Variants in ANKRD18A observed in about 807,000 individuals in gnomAD.
ANKRD18A encodes ankyrin repeat domain 18A.
Under a neutral mutation model 110.6 loss-of-function variants are expected in ANKRD18A, and 72 were observed. That is an observed-to-expected ratio of 0.65 (90% confidence interval 0.54 to 0.79). The LOEUF (loss-of-function observed/expected upper bound fraction) is 0.79, where lower values mean the gene tolerates loss of function less well. ANKRD18A is among the 30% of genes least tolerant of loss of function. ANKRD18A has a pLI of 0.00. For synonymous variants in ANKRD18A, 305 were observed against 410.3 expected (o/e 0.74, Z 3.10); for missense variants, 934 against 1,163.3 (o/e 0.80, Z 2.87).
rs955150830 is a variant in ANKRD18A, at chr9:38,577,994, T to A, written c.2402A>T (p.Glu801Val). Reference protein sequence around the residue: ...LEKDKKMLEEEVLNLKTHMEK... With the variant: ...LEKDKKMLEEVVLNLKTHMEK... ...CATATGTGTCTTAAGATTTAATACT[T>A]CTTCTTCCAACATCTTTTTATCCTT... Residue 801 changes from glutamate (E) to valine (V), a missense_variant, in exon 13 of 16, where the codon GAA (glutamate) becomes GTA (valine). Physicochemically the swap from Glu to Val is moderately radical, Grantham distance 121 (BLOSUM62 -2). Transcript: ENST00000399703. 1 of 1,564,594 alleles carries A rather than the reference T, an allele frequency of 6.4e-7. No individual in the cohort carries two copies. Among genetic ancestry groups the A allele is most frequent in the Non-Finnish European group, 8.7e-7 (1 of 1,151,952 alleles).
At chr9:38,567,149 A>C (rs550770500), downstream of ANKRD18A, 1 of 152,240 alleles carries the variant, frequency 6.6e-6, no homozygotes, top group South Asian at 2.1e-4. Flanking sequence ...TCATTCTTCC[A>C]AAAGTTACAA....
intron 15 of ANKRD18A, chr9:38,572,516 T>C (rs1823694843): frequency 6.5e-6 from 1 of 154,406 alleles, no homozygotes; most frequent in East Asian, 1.9e-4. Flanking sequence ...CATAGGTTGA[T>C]GACTGAAGGA....
At chr9:38,590,518 T>C (rs1166859738) in intron 10 of ANKRD18A, among the ~76,000 whole-genome samples, 3 of 152,174 alleles carry the variant, frequency 2.0e-5, no homozygotes, top group African/African-American at 7.2e-5. Context: ...TCCCAAAGTG[T>C]TGGGATTACA....
At chr9:38,608,738 T>A (rs1413038853) in intron 5 of ANKRD18A, among the ~76,000 whole-genome samples, 1 of 147,704 alleles carries the variant, frequency 6.8e-6, no homozygotes, top group South Asian at 2.1e-4. Flanking sequence ...ATAGATTATA[T>A]AATCTATATG....
intron 14 of ANKRD18A, among the ~76,000 whole-genome samples, chr9:38,576,359 G>T (rs1713910345): frequency 6.6e-6 from 1 of 152,146 alleles, no homozygotes; most frequent in East Asian, 1.9e-4. Context: ...ATCTCTGAAG[G>T]CAATTAGCCC....
downstream of ANKRD18A, chr9:38,568,866 A>T (rs1273457508): frequency 1.0e-6 from 1 of 985,226 alleles, no homozygotes; most frequent in African/African-American, 1.7e-5. Context: ...CCCTTTAGGT[A>T]TGGATCTCGC....
downstream of ANKRD18A, among the ~76,000 whole-genome samples, chr9:38,570,708 C>A (rs1270382951): frequency 6.6e-6 from 1 of 152,228 alleles, no homozygotes; most frequent in African/African-American, 2.4e-5. Flanking sequence ...CACAGAACCT[C>A]CCCTCCCTGC....
chr9:38,587,505 G>A (rs1399480452), intron 11 of ANKRD18A, among the ~76,000 whole-genome samples: 1 of 152,054 alleles, frequency 6.6e-6, no homozygotes, highest in African/African-American at 2.4e-5. Context: ...TATACTTCAT[G>A]TATACAATGG....
At chr9:38,582,962 A>C (rs992604491) in intron 12 of ANKRD18A, among the ~76,000 whole-genome samples, 6 of 152,250 alleles carry the variant, frequency 3.9e-5, no homozygotes, top group Non-Finnish European at 8.8e-5. Flanking sequence ...AACCCTTGCC[A>C]TTCATAAATA....
At position 38,603,191 on chromosome 9, in the gene ANKRD18A, G is replaced by T. The variant is rs632200; in HGVS notation, c.830C>A (p.Ala277Glu). ...ACGTTCTTTTCTTTTTTTCAAATTT[G>T]CAGGCTTCATAGCTGCTGTTTCTGT... ...DNQETAAMKP[A>E]NLKKRKERAK... Residue 277 changes from alanine to glutamate, a missense_variant, in exon 7 of 16, where the codon GCA becomes GAA. Ala to Glu is a moderately radical substitution (Grantham distance 107). Around this residue, in one of 4 missense-constraint regions of ANKRD18A, gnomAD observed 630 missense variants for 797.5 expected, o/e 0.79. Coordinates refer to ENST00000399703, the MANE Select transcript of ANKRD18A (RefSeq NM_147195.4). The T allele has an allele frequency of 5.6e-3, 8,737 of 1,550,338 alleles. 52 individuals are homozygous for T. The highest frequency in any genetic ancestry group is 0.022 in the African/African-American group (1,574 of 72,908).
intron 15 of ANKRD18A, chr9:38,572,984 T>C (rs7044423): frequency 0.062 from 40,124 of 652,358 alleles, 2,148 homozygotes; most frequent in African/African-American, 0.23. Flanking sequence ...ATACTGAATA[T>C]AGTATCTACT....
In ANKRD18A at chr9:38,588,551, C is replaced by A; in HGVS notation, c.2117G>T (p.Gly706Val). 1 of 1,314,352 alleles carries A rather than the reference C, an allele frequency of 7.6e-7. No homozygotes were observed. Among genetic ancestry groups the A allele is most frequent in the Non-Finnish European group, 9.8e-7 (1 of 1,015,892 alleles). 81.4% of individuals were successfully genotyped at this position (1,314,352 alleles called of 1,614,324 possible). A position where few individuals can be genotyped will look rare whatever the true frequency, so the allele number is the denominator to read the frequency against. Residue 706 changes from glycine (G) to valine (V), a missense_variant and splice_region_variant, in exon 11 of 16, where the codon GGA becomes GTA. Around this residue, in one of 4 missense-constraint regions of ANKRD18A, gnomAD observed 79 missense variants for 122.8 expected, o/e 0.64. Transcript: ENST00000399703. ...KNRELEEEATGYKKCLEMTIN... is the reference protein window; with the variant it reads ...KNRELEEEATVYKKCLEMTIN... ...ATGTTCTACAATATGAAAACCATACCCAGTTGCCTCTTCTTCTAATTCACG... is the reference window on the plus strand; with the variant it reads ...ATGTTCTACAATATGAAAACCATACACAGTTGCCTCTTCTTCTAATTCACG...
intron 1 of ANKRD18A, among the ~76,000 whole-genome samples, chr9:38,618,014 C>T (rs1286120284): frequency 6.6e-6 from 1 of 151,942 alleles, no homozygotes; most frequent in Non-Finnish European, 1.5e-5. Context: ...ATAAGAAAAA[C>T]ATATATACAT....
chr9:38,586,289 G>A lies in ANKRD18A; in HGVS notation c.2141C>T (p.Thr714Ile). The part of the protein sequence containing the change: ...ATGYKKCLEM[T>I]INMLNAFANE... Reference sequence around the variant, plus strand: ...TGCAAATGCATTTAACATATTTATTGTCATTTCTAGGCATTTCTTATATCT... The same window carrying A: ...TGCAAATGCATTTAACATATTTATTATCATTTCTAGGCATTTCTTATATCT... The change falls in exon 12 of 16, where the codon ACA becomes ATA. Residue 714 changes from threonine to isoleucine, a missense_variant. Thr to Ile is a moderately conservative substitution (Grantham distance 89). This residue lies in a region of ANKRD18A where 79 missense variants were observed against 122.8 expected (regional missense o/e 0.64). Coordinates refer to ENST00000399703, the MANE Select transcript of ANKRD18A (RefSeq NM_147195.4). 1 of 1,595,060 alleles carries A rather than the reference G, an allele frequency of 6.3e-7. No homozygotes were observed. The highest frequency in any genetic ancestry group is 1.7e-5 in the Admixed American group (1 of 58,318).
In ANKRD18A at chr9:38,613,609, G is replaced by A. The variant is rs547426745; in HGVS notation, c.495+1985C>T. Among the ~76,000 whole-genome samples the A allele has an allele frequency of 2.8e-4, 43 of 152,190 alleles. No homozygotes were observed. In the South Asian group the frequency reaches 3.3e-3, roughly 12 times the overall value. On this transcript the variant is annotated intron_variant, in intron 3 of 15. Coordinates refer to ENST00000399703, the MANE Select transcript of ANKRD18A (RefSeq NM_147195.4). ...AATTTTCCCAGATTGTTCACCAAATGGACAATTAGTTCATAGGAATGCTGA... is the reference window on the plus strand; with the variant it reads ...AATTTTCCCAGATTGTTCACCAAATAGACAATTAGTTCATAGGAATGCTGA...
downstream of ANKRD18A, chr9:38,569,102 G>A: frequency 1.0e-6 from 1 of 985,414 alleles, no homozygotes; most frequent in Non-Finnish European, 1.2e-6. Context: ...CCACCAAGGG[G>A]GGTCAGATGC....
At chr9:38,613,104 G>C (rs933514779) in intron 3 of ANKRD18A, among the ~76,000 whole-genome samples, 39 of 152,108 alleles carry the variant, frequency 2.6e-4, no homozygotes, top group African/African-American at 8.7e-4. Flanking sequence ...TATAAAAAAG[G>C]AGTTAAAGCT....
In ANKRD18A at chr9:38,586,561, T is replaced by TG. The variant is rs1554674923; in HGVS notation, c.2118-250_2118-249insC. On this transcript the variant is annotated intron_variant, in intron 11 of 15. Coordinates refer to ENST00000399703, the MANE Select transcript of ANKRD18A (RefSeq NM_147195.4). ...ATAGCCATACAGTTTTTGGTTTTTTTTTTGTTTGTTTTTGTTTTTTGAGAT... is the reference window on the plus strand; with the variant it reads ...ATAGCCATACAGTTTTTGGTTTTTTTGTTTGTTTGTTTTTGTTTTTTGAGAT... Among the ~76,000 whole-genome samples, 78 of 152,196 alleles carry TG rather than the reference T, an allele frequency of 5.1e-4. 1 individual carries two copies. The highest frequency in any genetic ancestry group is 1.6e-3 in the African/African-American group (67 of 41,530).
intron 12 of ANKRD18A, among the ~76,000 whole-genome samples, chr9:38,584,347 T>A (rs193010600): frequency 6.6e-6 from 1 of 152,336 alleles, no homozygotes; most frequent in Non-Finnish European, 1.5e-5. Context: ...TTCAGAGGCT[T>A]ATATGCAAAT....
Sources: gnomAD v4.1 joint callset for allele counts (sites outside exome capture counted in the v4.1 genomes callset) on GRCh38, gnomAD v4.1.1 for gene constraint, gnomAD v4.1.1 regional missense constraint, MANE v1.5 for transcripts, NCBI Gene and HGNC (gene_info 2026-07-23, HGNC 2026-07-21) for gene names.